Variants in LIN28B observed in about 807,000 individuals in gnomAD.
LIN28B encodes the protein protein lin-28 homolog B.
Under a neutral mutation model 21.9 loss-of-function variants are expected in LIN28B, and 5 were observed. The observed-to-expected ratio is 0.23, with a 90% confidence interval of 0.12 to 0.48. LIN28B has a LOEUF of 0.48. LIN28B is among the 20% of genes least tolerant of loss of function. The pLI is 0.98. For missense variants in LIN28B, 245 were observed against 310.5 expected (o/e 0.79, Z 1.58); for synonymous variants, 109 against 111.3 (o/e 0.98, Z 0.13).
chr6:104,994,006 T>A (rs564663847), intron 2 of LIN28B, among the ~76,000 whole-genome samples: 11 of 152,042 alleles, frequency 7.2e-5, no homozygotes, highest in Middle Eastern at 3.4e-3. Flanking sequence ...TTGATAAAAA[T>A]ATATATATAT....
intron 2 of LIN28B, among the ~76,000 whole-genome samples, chr6:104,938,641 G>GA (rs11309573): frequency 1.4e-5 from 2 of 143,934 alleles, no homozygotes; most frequent in African/African-American, 2.5e-5. Context: ...CCTGTCTCAA[G>GA]AAAAAAAAAA....
Position 105,029,408 on chromosome 6 carries a change from T to C in LIN28B, c.383+2926T>C, listed in dbSNP as rs115219929. On this transcript the variant is annotated intron_variant, in intron 3 of 3. Transcript: ENST00000345080. ...AAAGCACAACTGGGGGAGCTGATCA[T>C]GTGAGTACAGAAGGTTCATTCTTAC... 6.2e-3 allele frequency among the ~76,000 whole-genome samples: 948 copies of C among 152,286 alleles called. 9 individuals are homozygous for C. Among genetic ancestry groups the C allele is most frequent in the African/African-American group, 0.022 (898 of 41,570 alleles).
chr6:104,969,312 AT>A (rs111291945), intron 2 of LIN28B, among the ~76,000 whole-genome samples: 9 of 152,244 alleles, frequency 5.9e-5, no homozygotes, highest in African/African-American at 1.7e-4. Flanking sequence ...ATGGTGAGGA[AT>A]TTGTGCCCTT....
chr6:104,962,938 T>C (rs1353003034), intron 2 of LIN28B, among the ~76,000 whole-genome samples: 1 of 152,224 alleles, frequency 6.6e-6, no homozygotes, highest in Non-Finnish European at 1.5e-5. Flanking sequence ...TAAAATGGTT[T>C]ATAACCTACC....
intron 2 of LIN28B, among the ~76,000 whole-genome samples, chr6:104,938,715 T>C (rs1290723840): frequency 1.3e-5 from 2 of 152,126 alleles, no homozygotes; most frequent in African/African-American, 2.4e-5. Flanking sequence ...TTTGTTCTTA[T>C]GGCTTTTCAT....
At chr6:105,059,458 G>C (rs1772083991) in intron 3 of LIN28B, among the ~76,000 whole-genome samples, 1 of 152,100 alleles carries the variant, frequency 6.6e-6, no homozygotes, top group South Asian at 2.1e-4. Context: ...TTCAACCTTA[G>C]CATCTCTTCA....
chr6:104,972,947 C>T (rs1451658357), intron 2 of LIN28B, among the ~76,000 whole-genome samples: 2 of 151,872 alleles, frequency 1.3e-5, no homozygotes, highest in Non-Finnish European at 2.9e-5. Flanking sequence ...GCTGTCTCTA[C>T]TAAAAATATA....
rs932338244 is a variant in LIN28B at position 104,970,063 on chromosome 6, G to C, written c.198+11777G>C. ...TGTGTGCCAGTGGGGGATGGTGTGT[G>C]TATCTGTATAAGGAATCACAGTTAG... On this transcript the variant is annotated intron_variant, in intron 2 of 3. Coordinates refer to ENST00000345080, the MANE Select transcript of LIN28B (RefSeq NM_001004317.4). Among the ~76,000 whole-genome samples, 3 of 152,148 alleles carry C rather than the reference G, an allele frequency of 2.0e-5. 1 individual carries two copies. The highest frequency in any genetic ancestry group is 4.4e-5 in the Non-Finnish European group (3 of 68,034).
chr6:104,948,821 C>T (rs2114550373), intron 2 of LIN28B, among the ~76,000 whole-genome samples: 1 of 152,180 alleles, frequency 6.6e-6, no homozygotes, highest in African/African-American at 2.4e-5. Flanking sequence ...GCGGACATTA[C>T]TGTTAAAACT....
intron 3 of LIN28B, among the ~76,000 whole-genome samples, chr6:105,030,910 AC>A (rs1349945844): frequency 1.3e-5 from 2 of 151,654 alleles, no homozygotes; most frequent in Non-Finnish European, 2.9e-5. Flanking sequence ...TTTCTGTTAT[AC>A]TGTTTTTCCC....
chr6:105,069,362 A>G (rs1008029255), intron 3 of LIN28B, among the ~76,000 whole-genome samples: 32 of 152,230 alleles, frequency 2.1e-4, no homozygotes, highest in African/African-American at 7.2e-4. Flanking sequence ...TAAAAGAGTT[A>G]TTATGGGAAA....
At chr6:105,039,259 G>T (rs1016615425) in intron 3 of LIN28B, among the ~76,000 whole-genome samples, 21 of 152,106 alleles carry the variant, frequency 1.4e-4, no homozygotes, top group Admixed American at 1.0e-3. Flanking sequence ...TCAATGTGGG[G>T]CATGGTCATT....
intron 2 of LIN28B, among the ~76,000 whole-genome samples, chr6:104,980,597 A>G (rs537176417): frequency 6.6e-6 from 1 of 152,314 alleles, no homozygotes; most frequent in Non-Finnish European, 1.5e-5. Flanking sequence ...TGTTACAGAT[A>G]TTTAAAACTG....
intron 2 of LIN28B, among the ~76,000 whole-genome samples, chr6:104,990,569 ATTTTTTTT>A (rs71003465): frequency 7.0e-6 from 1 of 142,716 alleles, no homozygotes; most frequent in African/African-American, 2.6e-5. Context: ...TTTATTTTTT[ATTTTTTTT>A]TTTTTATTGA....
In LIN28B at chr6:105,055,590, C is replaced by T. The variant is rs553538083; in HGVS notation, c.384-22824C>T. Among the ~76,000 whole-genome samples the T allele has an allele frequency of 7.2e-5, 11 of 152,140 alleles. No individual in the cohort carries two copies. In the South Asian group the frequency reaches 2.3e-3, roughly 32 times the overall value. Reference sequence around the variant, plus strand: ...CTTCATATTTATTATATTCATATTTCTTTATTTTCTTTGATTCAGTTTGTG... The same window carrying T: ...CTTCATATTTATTATATTCATATTTTTTTATTTTCTTTGATTCAGTTTGTG... On this transcript the variant is annotated intron_variant, in intron 3 of 3. Transcript: ENST00000345080.
intron 3 of LIN28B, among the ~76,000 whole-genome samples, chr6:104,951,567 T>C (rs1778221534): frequency 6.6e-6 from 1 of 152,180 alleles, no homozygotes; most frequent in African/African-American, 2.4e-5. Context: ...TGTGGTTTTC[T>C]GTTGGGGCCA....
chr6:104,962,906 G>A (rs2114576350), intron 2 of LIN28B, among the ~76,000 whole-genome samples: 1 of 152,240 alleles, frequency 6.6e-6, no homozygotes, highest in East Asian at 1.9e-4. Context: ...TTTGTATAGT[G>A]AGTTACGTAT....
At chr6:105,021,861 G>A (rs1231364492) in intron 2 of LIN28B, among the ~76,000 whole-genome samples, 1 of 152,068 alleles carries the variant, frequency 6.6e-6, no homozygotes, top group Non-Finnish European at 1.5e-5. Context: ...TGCTGTTGAG[G>A]TCTTACCAAG....
rs530971194 is a variant in LIN28B at position 105,003,935 on chromosome 6, T to C, written c.199-22363T>C. Reference sequence around the variant, plus strand: ...CACTAATAGGATAGATATAAATATATAGATATATAAAGGGGAGTTTATTAA... The same window carrying C: ...CACTAATAGGATAGATATAAATATACAGATATATAAAGGGGAGTTTATTAA... On this transcript the variant is annotated intron_variant, in intron 2 of 3. Transcript: ENST00000345080. 3.7e-4 allele frequency among the ~76,000 whole-genome samples: 57 copies of C among 152,286 alleles called. 2 individuals are homozygous for C. The South Asian group carries it at 8.9e-3, about 24-fold the overall frequency.
Sources: gnomAD v4.1 joint callset for allele counts (sites outside exome capture counted in the v4.1 genomes callset) on GRCh38, gnomAD v4.1.1 for gene constraint, MANE v1.5 for transcripts, NCBI Gene and HGNC (gene_info 2026-07-23, HGNC 2026-07-21) for gene names.